GABRE: variants seen among roughly 807,000 people sequenced by gnomAD.
GABRE encodes the protein gamma-aminobutyric acid type A receptor subunit epsilon, also known as gamma-aminobutyric acid receptor subunit epsilon.
GABRE carries 20 observed loss-of-function variants against 31.0 expected under a neutral mutation model. The ratio of observed to expected loss-of-function variants is 0.64; its 90% confidence interval spans 0.45 to 0.94. The LOEUF (loss-of-function observed/expected upper bound fraction) is 0.94, where lower values mean the gene tolerates loss of function less well. Ranked by LOEUF, GABRE falls within the 40% of genes least tolerant of loss-of-function variation. The pLI is 0.00. For missense variants in GABRE, 420 were observed against 410.7 expected (o/e 1.02, Z -0.20); for synonymous variants, 155 against 150.6 (o/e 1.03, Z -0.21).
intron 3 of GABRE, among the ~76,000 whole-genome samples, chrX:151,968,016 T>A (rs956677662): frequency 8.9e-6 from 1 of 112,588 alleles, no homozygotes; most frequent in Non-Finnish European, 1.9e-5. Flanking sequence ...CTCCTAAAAT[T>A]AGATTATAAA....
rs186780938 is a variant in GABRE at position 151,969,565 on chromosome X, T to C, written c.342+104A>G. 3.5e-4 allele frequency: 265 copies of C among 749,967 alleles called. 5 individuals are homozygous for C. In the East Asian group the frequency reaches 7.3e-3, roughly 21 times the overall value. The allele number at this position is 749,967 out of a possible 1,213,427, so 61.8% of individuals were successfully genotyped here. ...CTTTCTCCCTCCAGAAAATAAATTATTGGAGTTGTTACAGAAGTACAGAGC... is the reference window on the plus strand; with the variant it reads ...CTTTCTCCCTCCAGAAAATAAATTACTGGAGTTGTTACAGAAGTACAGAGC... On this transcript the variant is annotated intron_variant, in intron 3 of 8. Coordinates refer to ENST00000370328, the MANE Select transcript of GABRE (RefSeq NM_004961.4).
Position 151,962,499 on chromosome X carries a change from T to C in GABRE, c.487A>G (p.Thr163Ala). 8.3e-7 allele frequency: 1 copy of C among 1,211,207 alleles called. No individual in the cohort carries two copies. The highest frequency in any genetic ancestry group is 1.1e-6 in the Non-Finnish European group (1 of 895,319). ...GGCATGGTGATCTCATGCTCGTGGGTCCTCTTAGAATTCCTAAAAAAGGTG... is the reference window on the plus strand; with the variant it reads ...GGCATGGTGATCTCATGCTCGTGGGCCCTCTTAGAATTCCTAAAAAAGGTG... ...PDTFFRNSKR[T>A]HEHEITMPNQ... Residue 163 changes from threonine (T) to alanine (A), a missense_variant, in exon 4 of 9, where the codon ACC becomes GCC. Coordinates refer to ENST00000370328, the MANE Select transcript of GABRE (RefSeq NM_004961.4).
chrX:151,972,039 CA>C (rs1258087744), intron 1 of GABRE: 3 of 750,493 alleles, frequency 4.0e-6, no homozygotes, highest in Admixed American at 9.0e-5. Context: ...GTCACACTTC[CA>C]AAAGGATTTT....
In GABRE at chrX:151,954,543, G is replaced by T; in HGVS notation, c.*158C>A. ...ATGGGCCAGGTAGGGGAGAGGGGCA[G>T]CAAAGACAAACCCTCTGCAAGCTTC... On this transcript the variant is annotated 3_prime_UTR_variant, in exon 9 of 9. Transcript: ENST00000370328. 2.2e-6 allele frequency: 1 copy of T among 449,070 alleles called. No individual in the cohort carries two copies. The highest frequency in any genetic ancestry group is 3.9e-6 in the Non-Finnish European group (1 of 258,375). The allele number at this position is 449,070 out of a possible 1,213,427, so 37.0% of individuals were successfully genotyped here.
intron 5 of GABRE, 152 bp downstream of exon 5, chrX:151,961,131 G>A (rs1034254058): frequency 3.3e-5 from 15 of 461,291 alleles, no homozygotes; most frequent in African/African-American, 2.5e-4. Flanking sequence ...TTGTTGGCAG[G>A]AAAGGAAATG....
At chrX:151,969,522 C>A in intron 3 of GABRE, 147 bp downstream of exon 3, 1 of 500,619 alleles carries the variant, frequency 2.0e-6, no homozygotes, top group Non-Finnish European at 3.0e-6. Flanking sequence ...CATTCTCAAA[C>A]CAGTGGTTAA....
chrX:151,963,865 G>C (rs945112278), intron 3 of GABRE, among the ~76,000 whole-genome samples: 1 of 112,340 alleles, frequency 8.9e-6, no homozygotes, highest in African/African-American at 3.2e-5. Context: ...CCTTATAAGT[G>C]AGAATAAGAG....
chrX:151,969,843 A>G lies in GABRE; in HGVS notation c.275-107T>C, dbSNP rs185942444. 37 of 1,122,196 alleles carry G rather than the reference A, an allele frequency of 3.3e-5. No homozygotes were observed. The East Asian group carries it at 1.0e-3, about 32-fold the overall frequency. 92.5% of individuals were successfully genotyped at this position (1,122,196 alleles called of 1,213,427 possible). A position where few individuals can be genotyped will look rare whatever the true frequency, so the allele number is the denominator to read the frequency against. On this transcript the variant is annotated intron_variant, in intron 2 of 8. Coordinates refer to ENST00000370328, the MANE Select transcript of GABRE (RefSeq NM_004961.4). ...AGGGGAGTCAAGTAAGTGTTGGACC[A>G]CACAGTTTCAGCATCTAATCCTATT... is the stretch of plus-strand genomic sequence containing the variant.
rs181002068 is a variant in GABRE, at chrX:151,954,943, G to A, written c.1279C>T (p.Gln427Ter). 2.5e-6 allele frequency: 3 copies of A among 1,207,112 alleles called. No homozygotes were observed. Among genetic ancestry groups the A allele is most frequent in the Non-Finnish European group, 3.4e-6 (3 of 893,745 alleles). Residue 427 changes from glutamine to a stop codon, truncating the protein, a stop_gained, in exon 9 of 9, where the codon CAG becomes TAG. Coordinates refer to ENST00000370328, the MANE Select transcript of GABRE (RefSeq NM_004961.4). LOFTEE classifies it high-confidence loss of function. Reference sequence around the variant, plus strand: ...TCAGGGCTACCTGGGCTAGGGGGCTGCTGGGCTGAGCAAGACGGGCGCTCC... The same window carrying A: ...TCAGGGCTACCTGGGCTAGGGGGCTACTGGGCTGAGCAAGACGGGCGCTCC... Reference protein sequence around the residue: ...GEERPSCSAQQPPSPGSPEGP... With the variant: ...GEERPSCSAQ
intron 6 of GABRE, chrX:151,958,981 T>C: frequency 3.1e-6 from 1 of 327,810 alleles, no homozygotes; most frequent in Non-Finnish European, 6.0e-6. Context: ...CAGAACAAGA[T>C]GCCTCTCACG....
intron 6 of GABRE, 68 bp downstream of exon 6, chrX:151,959,771 G>A (rs1056468529): frequency 4.4e-5 from 48 of 1,098,629 alleles, no homozygotes; most frequent in Non-Finnish European, 6.0e-5. Flanking sequence ...CAAAGCATTT[G>A]TATGGATGGC....
chrX:151,955,242 G>A (rs185630268), intron 8 of GABRE, 126 bp downstream of exon 8: 28 of 1,188,358 alleles, frequency 2.4e-5, no homozygotes, highest in African/African-American at 5.3e-5. Context: ...ATTCAACCCC[G>A]CCACCACCCT....
rs1174869359 is a variant in GABRE, at chrX:151,953,244, A to G, written c.*1457T>C. ...TACAGACACAGATTTCACTTAGCAT[A>G]TAGAAGCATTGGGGCATGTCCAAAT... On this transcript the variant is annotated 3_prime_UTR_variant, in exon 9 of 9. Coordinates refer to ENST00000370328, the MANE Select transcript of GABRE (RefSeq NM_004961.4). The G allele has an allele frequency of 8.9e-6, 1 of 111,877 alleles. No homozygotes were observed. The highest frequency in any genetic ancestry group is 9.5e-5 in the Admixed American group (1 of 10,552). The allele number at this position is 111,877 out of a possible 1,213,427, so 9.2% of individuals were successfully genotyped here. A position where few individuals can be genotyped will look rare whatever the true frequency, so the allele number is the denominator to read the frequency against.
intron 6 of GABRE, chrX:151,958,555 CTTT>C (rs1026368127): frequency 2.7e-6 from 1 of 372,967 alleles, no homozygotes; most frequent in African/African-American, 2.6e-5. Flanking sequence ...ACTGTCATTG[CTTT>C]GATGATGATG....
rs1179428879 is a variant in GABRE at position 151,953,164 on chromosome X, G to C, written c.*1537C>G. 9.0e-6 allele frequency: 1 copy of C among 111,575 alleles called. No homozygotes were observed. The highest frequency in any genetic ancestry group is 3.3e-5 in the African/African-American group (1 of 30,629). 9.2% of individuals were successfully genotyped at this position (111,575 alleles called of 1,213,427 possible). A position where few individuals can be genotyped will look rare whatever the true frequency, so the allele number is the denominator to read the frequency against. On this transcript the variant is annotated 3_prime_UTR_variant, in exon 9 of 9. Coordinates refer to ENST00000370328, the MANE Select transcript of GABRE (RefSeq NM_004961.4). ...TTTATTTACATATTTCCCCATTTCAGATGATGGTGACAAAAAGTAGATGGA... is the reference window on the plus strand; with the variant it reads ...TTTATTTACATATTTCCCCATTTCACATGATGGTGACAAAAAGTAGATGGA...
chrX:151,963,661 G>A (rs1934448342), intron 3 of GABRE, among the ~76,000 whole-genome samples: 1 of 112,384 alleles, frequency 8.9e-6, no homozygotes, highest in South Asian at 3.7e-4. Flanking sequence ...AAGACTACTG[G>A]ATTAATGCAG....
chrX:151,972,251 C>G, intron 1 of GABRE: 1 of 753,684 alleles, frequency 1.3e-6, no homozygotes, highest in Non-Finnish European at 1.6e-6. Flanking sequence ...TCTGAAGTGG[C>G]TACTTCCCAT....
chrX:151,967,972 A>G (rs1159481212), intron 3 of GABRE, among the ~76,000 whole-genome samples: 1 of 112,613 alleles, frequency 8.9e-6, no homozygotes, highest in Non-Finnish European at 1.9e-5. Context: ...TTTGCATCTG[A>G]TGAGGAGAAT....
intron 3 of GABRE, among the ~76,000 whole-genome samples, chrX:151,967,025 T>C (rs929795408): frequency 2.7e-5 from 3 of 111,689 alleles, no homozygotes; most frequent in East Asian, 2.8e-4. Context: ...TAGATAGAAA[T>C]TGGCTTCCCA....
Sources: gnomAD v4.1 joint callset for allele counts (sites outside exome capture counted in the v4.1 genomes callset) on GRCh38, gnomAD v4.1.1 for gene constraint, MANE v1.5 for transcripts, NCBI Gene and HGNC (gene_info 2026-07-23, HGNC 2026-07-21) for gene names.